Variants in DNAH5 observed in about 807,000 individuals in gnomAD.
The protein encoded by DNAH5 is axonemal beta dynein heavy chain 5.
A neutral mutation model predicts 518.2 loss-of-function variants in DNAH5; 372 were observed. The observed-to-expected ratio is 0.72, with a 90% CI of 0.66 to 0.78. The LOEUF (loss-of-function observed/expected upper bound fraction) is 0.78. Ranked by LOEUF, DNAH5 falls within the 30% of genes least tolerant of loss-of-function variation. The pLI, the probability that DNAH5 is intolerant of heterozygous loss-of-function variation, is 0.00. For synonymous variants in DNAH5, 2,039 were observed against 2,025.9 expected (o/e 1.01, Z -0.17); for missense variants, 5,523 against 5,687.0 (o/e 0.97, Z 0.93).
intron 1 of DNAH5, among the ~76,000 whole-genome samples, chr5:13,988,971 C>T (rs1783284112): frequency 6.6e-6 from 1 of 152,084 alleles, no homozygotes; most frequent in South Asian, 2.1e-4. Context: ...TTGTGATTCG[C>T]CCACCTCGAC....
In DNAH5 at chr5:13,811,671, C is replaced by T; in HGVS notation, c.7383G>A (p.Met2461Ile). The T allele has an allele frequency of 1.9e-6, 3 of 1,614,130 alleles. No individual in the cohort carries two copies. Among genetic ancestry groups the T allele is most frequent in the East Asian group, 2.2e-5 (1 of 44,872 alleles). The change falls in exon 44 of 79, where the codon ATG (methionine) becomes ATA (isoleucine). Residue 2461 changes from methionine (M) to isoleucine (I), a missense_variant. This residue lies in a region of DNAH5 where 5,121 missense variants were observed against 5,223.3 expected (regional missense o/e 0.98). Coordinates refer to ENST00000265104, the MANE Select transcript of DNAH5 (RefSeq NM_001369.3). Reference sequence around the variant, plus strand: ...CCTTCAGAGGAATCAGGCCTTGAAGCATGTTAATGCTCTGTGTGATGACAA... The same window carrying T: ...CCTTCAGAGGAATCAGGCCTTGAAGTATGTTAATGCTCTGTGTGATGACAA... ...EAFVITQSINMLQGLIPLKEQ... is the reference protein window; with the variant it reads ...EAFVITQSINILQGLIPLKEQ...
Position 13,714,603 on chromosome 5 carries a change from G to C in DNAH5, c.12927C>G (p.Asp4309Glu). The change falls in exon 75 of 79, where the codon GAC becomes GAG. Residue 4309 changes from aspartate (D) to glutamate (E), a missense_variant. Transcript: ENST00000265104. ...GGTGCAGCCCAAACACCTCAGGGCT[G>C]TCATAGGCAGGCAAACTCTGAACAA... Reference protein sequence around the residue: ...LQYIQSLPAYDSPEVFGLHPN... With the variant: ...LQYIQSLPAYESPEVFGLHPN... 1 of 1,614,058 alleles carries C rather than the reference G, an allele frequency of 6.2e-7. No homozygotes were observed. The highest frequency in any genetic ancestry group is 8.5e-7 in the Non-Finnish European group (1 of 1,180,012).
intron 41 of DNAH5, among the ~76,000 whole-genome samples, chr5:13,819,260 C>T (rs1181111263): frequency 2.6e-5 from 4 of 152,134 alleles, no homozygotes; most frequent in East Asian, 3.9e-4. Flanking sequence ...TGAAAAACCA[C>T]GTGATAAGTC....
intron 70 of DNAH5, among the ~76,000 whole-genome samples, chr5:13,726,244 G>A (rs760030116): frequency 6.6e-6 from 1 of 152,172 alleles, no homozygotes; most frequent in African/African-American, 2.4e-5. Flanking sequence ...TCTAAACCTT[G>A]TTTAGGACCT....
chr5:13,868,079 A>G, intron 24 of DNAH5, 87 bp from the exon 25 acceptor site: 1 of 1,039,070 alleles, frequency 9.6e-7, no homozygotes, highest in Non-Finnish European at 1.5e-6. Context: ...AGAATGGAAA[A>G]TACCAGAATA....
At chr5:13,857,011 G>A (rs7701754) in intron 30 of DNAH5, among the ~76,000 whole-genome samples, 57,580 of 151,980 alleles carry the variant, frequency 0.38, 11,146 homozygotes, top group South Asian at 0.47. Context: ...GTTCTGGCCA[G>A]GGCAATCAGG....
intron 1 of DNAH5, among the ~76,000 whole-genome samples, chr5:13,976,608 G>A (rs1782258053): frequency 6.6e-6 from 1 of 151,390 alleles, no homozygotes; most frequent in African/African-American, 2.4e-5. Flanking sequence ...CTAAGTTATT[G>A]TTAATCTCTT....
intron 17 of DNAH5, among the ~76,000 whole-genome samples, chr5:13,889,405 T>C (rs1772881250): frequency 6.6e-6 from 1 of 152,160 alleles, no homozygotes; most frequent in Non-Finnish European, 1.5e-5. Context: ...GCGTATAAAA[T>C]GACTTAATAT....
intron 59 of DNAH5, among the ~76,000 whole-genome samples, chr5:13,764,951 C>T (rs6877444): frequency 0.017 from 2,558 of 152,240 alleles, 73 homozygotes; most frequent in African/African-American, 0.059. Context: ...TATAAGCTTA[C>T]AATTAAATAA....
intron 30 of DNAH5, among the ~76,000 whole-genome samples, chr5:13,852,234 C>T (rs1330156155): frequency 6.6e-6 from 1 of 152,140 alleles, no homozygotes; most frequent in Non-Finnish European, 1.5e-5. Flanking sequence ...ACGGTGTGAT[C>T]TCAGCTCACT....
At chr5:13,962,975 G>A (rs568037687) in intron 1 of DNAH5, among the ~76,000 whole-genome samples, 1 of 152,100 alleles carries the variant, frequency 6.6e-6, no homozygotes, top group East Asian at 1.9e-4. Context: ...ATCCACCACA[G>A]TCGCCGCGTC....
intron 21 of DNAH5, among the ~76,000 whole-genome samples, chr5:13,882,046 T>A (rs536994347): frequency 6.6e-6 from 1 of 152,140 alleles, no homozygotes; most frequent in Non-Finnish European, 1.5e-5. Flanking sequence ...AACAATTTTG[T>A]GCCAACCTAG....
chr5:13,731,963 T>C (rs1004062139), intron 68 of DNAH5, among the ~76,000 whole-genome samples: 2 of 152,060 alleles, frequency 1.3e-5, no homozygotes, highest in African/African-American at 2.4e-5. Context: ...TGAGACTTCA[T>C]CTCTACAAAA....
At chr5:13,985,808 A>G (rs566155385) in intron 1 of DNAH5, among the ~76,000 whole-genome samples, 1 of 152,240 alleles carries the variant, frequency 6.6e-6, no homozygotes, top group African/African-American at 2.4e-5. Flanking sequence ...CCAGTTAACA[A>G]CAGGATGCCC....
intron 44 of DNAH5, among the ~76,000 whole-genome samples, chr5:13,811,184 A>G (rs1760646654): frequency 6.6e-6 from 1 of 152,206 alleles, no homozygotes; most frequent in African/African-American, 2.4e-5. Flanking sequence ...AGAGTAACTG[A>G]GGGAGTCCAA....
chr5:13,709,157 T>C (rs757564829), intron 75 of DNAH5, among the ~76,000 whole-genome samples: 4 of 152,150 alleles, frequency 2.6e-5, no homozygotes, highest in East Asian at 1.9e-4. Flanking sequence ...GTTCAGTCTG[T>C]AGTATTAGCA....
intron 1 of DNAH5, among the ~76,000 whole-genome samples, chr5:13,995,467 TA>T (rs749419885): frequency 6.6e-6 from 1 of 152,248 alleles, no homozygotes; most frequent in East Asian, 1.9e-4. Flanking sequence ...CATCTCGATT[TA>T]GTGGGGCCTG....
intron 16 of DNAH5, among the ~76,000 whole-genome samples, chr5:13,892,045 G>C (rs948245776): frequency 1.9e-4 from 29 of 152,170 alleles, no homozygotes; most frequent in African/African-American, 6.8e-4. Context: ...CTGTATCGGA[G>C]ATGTAAACAC....
chr5:13,855,810 T>C (rs1767551771), intron 30 of DNAH5, among the ~76,000 whole-genome samples: 1 of 152,196 alleles, frequency 6.6e-6, no homozygotes, highest in Admixed American at 6.5e-5. Context: ...CAGACCACAG[T>C]GCAATCAAAT....
Sources: gnomAD v4.1 joint callset for allele counts (sites outside exome capture counted in the v4.1 genomes callset) on GRCh38, gnomAD v4.1.1 for gene constraint, gnomAD v4.1.1 regional missense constraint, MANE v1.5 for transcripts, NCBI Gene and HGNC (gene_info 2026-07-23, HGNC 2026-07-21) for gene names.